The following COL26A1 variants were observed in gnomAD, a reference collection of about 807,000 sequenced individuals.
COL26A1 encodes collagen type XXVI alpha 1 chain.
COL26A1 carries 41 observed loss-of-function variants against 59.3 expected under a neutral mutation model. The ratio of observed to expected loss-of-function variants is 0.69; its 90% CI spans 0.54 to 0.90. The LOEUF (loss-of-function observed/expected upper bound fraction) is 0.90. COL26A1 is among the 40% of genes least tolerant of loss of function. The probability of loss-of-function intolerance (pLI) is 0.00; values close to 1 mark genes in which losing one functional copy is unlikely to be tolerated. For synonymous variants in COL26A1, 266 were observed against 256.0 expected (o/e 1.04, Z -0.37); for missense variants, 612 against 602.3 (o/e 1.02, Z -0.17).
At position 101,547,495 on chromosome 7, in the gene COL26A1, T is replaced by G. The variant is rs148097701; in HGVS notation, c.940+256T>G. ...TAAGATGCCTGCATGAGGCTGCCCT[T>G]GCATGGGCCAGAGTGGGACACACAC... On this transcript the variant is annotated intron_variant, in intron 8 of 12. Transcript: ENST00000313669. Among the ~76,000 whole-genome samples the G allele has an allele frequency of 5.0e-3, 769 of 152,342 alleles. 4 individuals are homozygous for G. The highest frequency in any genetic ancestry group is 0.017 in the African/African-American group (725 of 41,582).
intron 3 of COL26A1, among the ~76,000 whole-genome samples, chr7:101,453,012 A>G (rs369673786): frequency 6.6e-6 from 1 of 152,094 alleles, no homozygotes; most frequent in East Asian, 1.9e-4. Context: ...CCGCCTCCCA[A>G]AGTGTTGGGA....
At chr7:101,397,488 T>TTCCTTCTCCTTCTCCTTTCCTTC (rs1554405171) in intron 1 of COL26A1, among the ~76,000 whole-genome samples, 33 of 149,806 alleles carry the variant, frequency 2.2e-4, no homozygotes, top group Non-Finnish European at 3.9e-4. Context: ...TCCTTCTCCT[T>TTCCTTCTCCTTCTCCTTTCCTTC]TCCTTCTCCT....
chr7:101,486,036 G>C (rs923848489), intron 3 of COL26A1, among the ~76,000 whole-genome samples: 1 of 152,036 alleles, frequency 6.6e-6, no homozygotes, highest in Non-Finnish European at 1.5e-5. Flanking sequence ...AGCTGGGCAC[G>C]GTGACGGGCA....
intron 1 of COL26A1, among the ~76,000 whole-genome samples, chr7:101,367,303 T>TGG (rs1440139262): frequency 1.3e-5 from 2 of 152,150 alleles, no homozygotes; most frequent in African/African-American, 4.8e-5. Flanking sequence ...GGGGGACCTT[T>TGG]GGAGGTAACT....
chr7:101,545,238 C>T (rs1030456604), intron 6 of COL26A1, 100 bp from the exon 7 acceptor site: 11 of 1,162,000 alleles, frequency 9.5e-6, no homozygotes, highest in Admixed American at 3.0e-5. Flanking sequence ...GGGCCCCTGA[C>T]CAACCCTGTT....
Position 101,549,177 on chromosome 7 carries a change from C to A in COL26A1, c.947C>A (p.Pro316His). The change falls in exon 9 of 13, where the codon CCT (proline) becomes CAT (histidine). Residue 316 changes from proline (P) to histidine (H), a missense_variant. Physicochemically the swap from Pro to His is moderately conservative, Grantham distance 77 (BLOSUM62 -2). Transcript: ENST00000313669. The part of the protein sequence containing the change: ...PRGPPGPPGP[P>H]GPRGPPGPPG... Reference sequence around the variant, plus strand: ...TCTGTGACTCTGCCCACAGGTCCCCCTGGGCCTCGAGGTCCCCCAGGACCC... The same window carrying A: ...TCTGTGACTCTGCCCACAGGTCCCCATGGGCCTCGAGGTCCCCCAGGACCC... 6.3e-7 allele frequency: 1 copy of A among 1,598,214 alleles called. No individual in the cohort carries two copies. The highest frequency in any genetic ancestry group is 8.5e-7 in the Non-Finnish European group (1 of 1,172,570).
At chr7:101,363,987 C>G (rs994960586) in intron 1 of COL26A1, among the ~76,000 whole-genome samples, 2 of 152,180 alleles carry the variant, frequency 1.3e-5, no homozygotes, top group African/African-American at 2.4e-5. Context: ...CTGCGACTCC[C>G]CAGCCACCCC....
intron 3 of COL26A1, among the ~76,000 whole-genome samples, chr7:101,457,968 C>A (rs1410073887): frequency 6.7e-6 from 1 of 149,416 alleles, no homozygotes; most frequent in Non-Finnish European, 1.5e-5. Context: ...ACGATCTCGG[C>A]TCATTGCAAC....
intron 3 of COL26A1, among the ~76,000 whole-genome samples, chr7:101,489,691 TTC>T (rs1554421163): frequency 0.015 from 250 of 17,082 alleles, 64 homozygotes; most frequent in African/African-American, 0.092. Context: ...CTTTCTTTCT[TTC>T]TTTCTGTCTT....
intron 1 of COL26A1, among the ~76,000 whole-genome samples, chr7:101,407,889 A>G (rs190089546): frequency 1.3e-5 from 2 of 152,158 alleles, no homozygotes; most frequent in Admixed American, 6.5e-5. Flanking sequence ...TTATACAGAA[A>G]TTATGAATAA....
chr7:101,516,234 G>T (rs962744861), intron 3 of COL26A1, among the ~76,000 whole-genome samples: 1 of 152,084 alleles, frequency 6.6e-6, no homozygotes, highest in Non-Finnish European at 1.5e-5. Context: ...AACTGTATGG[G>T]AGATTTGCTT....
chr7:101,440,910 G>A (rs116540468), intron 2 of COL26A1, among the ~76,000 whole-genome samples: 10 of 150,942 alleles, frequency 6.6e-5, no homozygotes, highest in African/African-American at 1.9e-4. Flanking sequence ...CCGGGACACA[G>A]AAGTTGCAGT....
At chr7:101,429,542 A>T (rs1179869490) in intron 2 of COL26A1, among the ~76,000 whole-genome samples, 3 of 147,530 alleles carry the variant, frequency 2.0e-5, no homozygotes, top group African/African-American at 7.6e-5. Context: ...TTGAAATCAG[A>T]TAGATTGATT....
At chr7:101,469,983 C>T (rs1584435893) in intron 3 of COL26A1, among the ~76,000 whole-genome samples, 1 of 151,960 alleles carries the variant, frequency 6.6e-6, no homozygotes, top group Admixed American at 6.6e-5. Flanking sequence ...CGACCATGGG[C>T]AACTAGGACA....
At chr7:101,459,327 T>C (rs529770277) in intron 3 of COL26A1, among the ~76,000 whole-genome samples, 224 of 152,034 alleles carry the variant, frequency 1.5e-3, no homozygotes, top group Middle Eastern at 0.01. Flanking sequence ...TGAGACGGAG[T>C]CTCGCTCTGT....
intron 2 of COL26A1, among the ~76,000 whole-genome samples, chr7:101,443,740 A>C (rs1793116587): frequency 6.6e-6 from 1 of 152,190 alleles, no homozygotes; most frequent in African/African-American, 2.4e-5. Flanking sequence ...CTTATGTGTA[A>C]GAAAAATTTC....
At position 101,414,069 on chromosome 7, in the gene COL26A1, G is replaced by C. The variant is rs143552600; in HGVS notation, c.159-5908G>C. ...AGGCAATGGGGGTCCCCACAACCGC[G>C]GCTACCTGGGGATGCACAGGCTTTA... On this transcript the variant is annotated intron_variant, in intron 1 of 12. Transcript: ENST00000313669. 1.2e-4 allele frequency among the ~76,000 whole-genome samples: 18 copies of C among 152,206 alleles called. No individual in the cohort carries two copies. In the East Asian group the frequency reaches 3.5e-3, roughly 29 times the overall value.
intron 3 of COL26A1, among the ~76,000 whole-genome samples, chr7:101,489,812 T>C (rs865841236): frequency 0.099 from 402 of 4,068 alleles, 92 homozygotes; most frequent in African/African-American, 0.25. Flanking sequence ...CTTTCTTTCT[T>C]TCTTTCTTTC....
At chr7:101,473,646 ACACACAC>A in intron 3 of COL26A1, among the ~76,000 whole-genome samples, 1 of 143,330 alleles carries the variant, frequency 7.0e-6, no homozygotes, top group Non-Finnish European at 1.5e-5. Context: ...ACACACACAC[ACACACAC>A]AAACACACAC....
Sources: gnomAD v4.1 joint callset for allele counts (sites outside exome capture counted in the v4.1 genomes callset) on GRCh38, gnomAD v4.1.1 for gene constraint, MANE v1.5 for transcripts, NCBI Gene and HGNC (gene_info 2026-07-23, HGNC 2026-07-21) for gene names.